The following HLA-DMA variants were observed in gnomAD, a reference collection of about 807,000 sequenced individuals.
HLA-DMA encodes major histocompatibility complex, class II, DM alpha.
HLA-DMA carries 20 observed loss-of-function variants against 27.3 expected under a neutral mutation model. The ratio of observed to expected loss-of-function variants is 0.73; its 90% CI spans 0.52 to 1.07. The LOEUF is 1.07. Among genes scored for constraint, HLA-DMA ranks in the 50% least tolerant of loss-of-function variants. HLA-DMA has a pLI of 0.00. For missense variants in HLA-DMA, 241 were observed against 321.7 expected (o/e 0.75, Z 1.92); for synonymous variants, 111 against 126.8 (o/e 0.88, Z 0.83).
At chr6:32,948,910 C>T in intron 4 of HLA-DMA, 42 bp from the exon 5 acceptor site, 3 of 1,606,782 alleles carry the variant, frequency 1.9e-6, no homozygotes, top group Middle Eastern at 1.8e-4. Context: ...TCAGGGGATC[C>T]ATCCTCCTCC....
Position 32,951,936 on chromosome 6 carries a change from ATAAAT to A in HLA-DMA, c.88+1008_88+1012del, listed in dbSNP as rs1450084657. Among the ~76,000 whole-genome samples, 4 of 152,290 alleles carry A rather than the reference ATAAAT, an allele frequency of 2.6e-5. No individual in the cohort carries two copies. In the East Asian group the frequency reaches 5.8e-4, roughly 22 times the overall value. On this transcript the variant is annotated intron_variant, in intron 1 of 4. Transcript: ENST00000374843. Reference sequence around the variant, plus strand: ...AGAGCGAGATGCCGTGTCAAAAAAAATAAATTAAATCAAATAAAAAATTTAAAAAT... The same window carrying A: ...AGAGCGAGATGCCGTGTCAAAAAAAATAAATCAAATAAAAAATTTAAAAAT...
chr6:32,952,969 T>A lies in HLA-DMA; in HGVS notation c.68A>T (p.His23Leu). 2.5e-6 allele frequency: 4 copies of A among 1,612,300 alleles called. No homozygotes were observed. The highest frequency in any genetic ancestry group is 3.4e-6 in the Non-Finnish European group (4 of 1,179,716). ...QMLPLLWLLP[H>L]SWAVPEAPTP... ...CTTACCTTCAGGGACGGCCCAGGAG[T>A]GGGGTAGCAGCCACAGAAGTGGTAA... The change falls in exon 1 of 5, where the codon CAC (histidine) becomes CTC (leucine). Residue 23 changes from histidine to leucine, a missense_variant. Coordinates refer to ENST00000374843, the MANE Select transcript of HLA-DMA (RefSeq NM_006120.4).
chr6:32,950,113 C>T lies in HLA-DMA; in HGVS notation c.374-224G>A, dbSNP rs1776829919. 5.0e-6 allele frequency: 3 copies of T among 603,564 alleles called. No homozygotes were observed. The highest frequency in any genetic ancestry group is 1.8e-5 in the African/African-American group (1 of 54,068). The allele number at this position is 603,564 out of a possible 1,614,324, so 37.4% of individuals were successfully genotyped here. ...AGAGCCAGATCCAGGCTACTCTGGACCCCTCCACCATGACTTCCTTCAGCA... is the reference window on the plus strand; with the variant it reads ...AGAGCCAGATCCAGGCTACTCTGGATCCCTCCACCATGACTTCCTTCAGCA... On this transcript the variant is annotated intron_variant, in intron 2 of 4. Transcript: ENST00000374843. The surrounding 1 kb of genome is among the most constrained non-coding windows in gnomAD (Gnocchi z 5.0).
chr6:32,949,585 C>T lies in HLA-DMA; in HGVS notation c.652+26G>A. 1 of 1,611,638 alleles carries T rather than the reference C, an allele frequency of 6.2e-7. No homozygotes were observed. Among genetic ancestry groups the T allele is most frequent in the African/African-American group, 1.3e-5 (1 of 74,918 alleles). Reference sequence around the variant, plus strand: ...CTATCCCTTTTTGCCCCCAAAAGGACCAGAATTCCAGGGAGAAAGCCTCAC... The same window carrying T: ...CTATCCCTTTTTGCCCCCAAAAGGATCAGAATTCCAGGGAGAAAGCCTCAC... On this transcript the variant is annotated intron_variant, in intron 3 of 4. Coordinates refer to ENST00000374843, the MANE Select transcript of HLA-DMA (RefSeq NM_006120.4). The surrounding 1 kb of genome is among the most constrained non-coding windows in gnomAD (Gnocchi z 5.8).
Position 32,949,263 on chromosome 6 carries a change from T to C in HLA-DMA, c.781+8A>G, listed in dbSNP as rs1375834239. On this transcript the variant is annotated splice_region_variant and intron_variant, in intron 4 of 4. Coordinates refer to ENST00000374843, the MANE Select transcript of HLA-DMA (RefSeq NM_006120.4). This position sits in a 1 kb window ranked among gnomAD's most constrained non-coding sequence, Gnocchi z 5.8. ...CACAGGCTCACCCGCCCCCTCCAGATGACATACCACCTGAGCAAGGCTTCC... is the reference window on the plus strand; with the variant it reads ...CACAGGCTCACCCGCCCCCTCCAGACGACATACCACCTGAGCAAGGCTTCC... The C allele has an allele frequency of 6.2e-7, 1 of 1,613,956 alleles. No homozygotes were observed. The highest frequency in any genetic ancestry group is 8.5e-7 in the Non-Finnish European group (1 of 1,180,022).
chr6:32,952,144 G>C (rs1776929598), intron 1 of HLA-DMA: 2 of 360,190 alleles, frequency 5.6e-6, no homozygotes, highest in Admixed American at 3.9e-5. Flanking sequence ...ATTCATACCA[G>C]GCCACTGTAT....
At position 32,953,004 on chromosome 6, in the gene HLA-DMA, C is replaced by T. The variant is rs747112864; in HGVS notation, c.33G>A (p.Leu11=). ...GCCACAGAAGTGGTAACATCTGTAG[C>T]AGCGCAGCTCCTTGGTTCTGTTCAT... MGHEQNQGAA[L]LQMLPLLWLL... is the part of the protein sequence containing the mutation. The change falls in exon 1 of 5, where the codon CTG becomes CTA. Residue 11 remains leucine (L), a synonymous_variant. Coordinates refer to ENST00000374843, the MANE Select transcript of HLA-DMA (RefSeq NM_006120.4). 1.9e-6 allele frequency: 3 copies of T among 1,613,008 alleles called. No homozygotes were observed. Among genetic ancestry groups the T allele is most frequent in the East Asian group, 4.5e-5 (2 of 44,890 alleles).
chr6:32,952,304 A>G (rs1467198562), intron 1 of HLA-DMA: 1 of 470,684 alleles, frequency 2.1e-6, no homozygotes, highest in Non-Finnish European at 4.4e-6. Context: ...ACATTTCTTC[A>G]GCCACTTCAT....
rs1776826264 is a variant in HLA-DMA, at chr6:32,950,024, G to C, written c.374-135C>G. ...GTCAGGCTTTGGGAGACAGAGATGA[G>C]CGAGGAGCTGGGCTCTGAAGGGAGG... is the stretch of plus-strand genomic sequence containing the variant. On this transcript the variant is annotated intron_variant, in intron 2 of 4. Transcript: ENST00000374843. This position sits in a 1 kb window ranked among gnomAD's most constrained non-coding sequence, Gnocchi z 5.0. The C allele has an allele frequency of 3.6e-6, 3 of 826,856 alleles. No individual in the cohort carries two copies. The highest frequency in any genetic ancestry group is 5.6e-6 in the Non-Finnish European group (3 of 532,936). The allele number at this position is 826,856 out of a possible 1,614,324, so 51.2% of individuals were successfully genotyped here.
Position 32,948,877 on chromosome 6 carries a change from G to C in HLA-DMA, c.782-9C>G. 6.2e-7 allele frequency: 1 copy of C among 1,613,602 alleles called. No homozygotes were observed. Among genetic ancestry groups the C allele is most frequent in the Non-Finnish European group, 8.5e-7 (1 of 1,179,790 alleles). On this transcript the variant is annotated splice_polypyrimidine_tract_variant and intron_variant, in intron 4 of 4. Transcript: ENST00000374843. The stretch of plus-strand genomic sequence containing the variant: ...GGTCTGGAAGAATCAGTCTGGGGGA[G>C]AGACAGGGATGGAGGAAAGGCATCA...
At position 32,950,112 on chromosome 6, in the gene HLA-DMA, A is replaced by AC; in HGVS notation, c.374-224dup. ...CAGAGCCAGATCCAGGCTACTCTGG[A>AC]CCCCTCCACCATGACTTCCTTCAGC... On this transcript the variant is annotated intron_variant, in intron 2 of 4. Transcript: ENST00000374843. The surrounding 1 kb of genome is among the most constrained non-coding windows in gnomAD (Gnocchi z 5.0). The AC allele has an allele frequency of 1.7e-6, 1 of 603,128 alleles. No individual in the cohort carries two copies. The highest frequency in any genetic ancestry group is 2.9e-6 in the Non-Finnish European group (1 of 341,776). The allele number at this position is 603,128 out of a possible 1,614,324, so 37.4% of individuals were successfully genotyped here. A position where few individuals can be genotyped will look rare whatever the true frequency, so the allele number is the denominator to read the frequency against.
At position 32,953,094 on chromosome 6, in the gene HLA-DMA, C is replaced by G; in HGVS notation, c.-58G>C. ...AACCCAGCCAACCCAGCTTCCCCAA[C>G]TCCCTCCCCGAGAGGGTGGCCTTAG... On this transcript the variant is annotated 5_prime_UTR_variant, in exon 1 of 5. Transcript: ENST00000374843. The G allele has an allele frequency of 7.5e-7, 1 of 1,325,994 alleles. No individual in the cohort carries two copies. Among genetic ancestry groups the G allele is most frequent in the Non-Finnish European group, 1.1e-6 (1 of 927,326 alleles). The allele number at this position is 1,325,994 out of a possible 1,614,324, so 82.1% of individuals were successfully genotyped here.
In HLA-DMA at chr6:32,950,415, A is replaced by G; in HGVS notation, c.373+104T>C. The G allele has an allele frequency of 5.9e-6, 8 of 1,367,282 alleles. No homozygotes were observed. The highest frequency in any genetic ancestry group is 7.1e-6 in the Non-Finnish European group (7 of 983,542). The allele number at this position is 1,367,282 out of a possible 1,614,324, so 84.7% of individuals were successfully genotyped here. On this transcript the variant is annotated intron_variant, in intron 2 of 4. Coordinates refer to ENST00000374843, the MANE Select transcript of HLA-DMA (RefSeq NM_006120.4). This position sits in a 1 kb window ranked among gnomAD's most constrained non-coding sequence, Gnocchi z 5.0. Reference sequence around the variant, plus strand: ...AAATTAAGGTGATGAAGAGAACCAGAAAGTATTTGAGATGGGGAGCTGGTA... The same window carrying G: ...AAATTAAGGTGATGAAGAGAACCAGGAAGTATTTGAGATGGGGAGCTGGTA...
intron 1 of HLA-DMA, chr6:32,952,519 T>C (rs1291353097): frequency 9.0e-6 from 4 of 444,554 alleles, no homozygotes; most frequent in Non-Finnish European, 1.9e-5. Context: ...TTCCAGATTA[T>C]TCTTCCATTC....
chr6:32,951,928 C>CA (rs1253727518), intron 1 of HLA-DMA, among the ~76,000 whole-genome samples: 4 of 150,764 alleles, frequency 2.7e-5, no homozygotes, highest in Admixed American at 6.6e-5. Context: ...GATGCCGTGT[C>CA]AAAAAAAATA....
At chr6:32,952,218 G>A (rs1776933977) in intron 1 of HLA-DMA, 1 of 420,954 alleles carries the variant, frequency 2.4e-6, no homozygotes, top group African/African-American at 2.1e-5. Context: ...AATGGCTACA[G>A]CCTCCCCAAG....
At position 32,950,064 on chromosome 6, in the gene HLA-DMA, A is replaced by G; in HGVS notation, c.374-175T>C. The G allele has an allele frequency of 1.5e-6, 1 of 652,360 alleles. No homozygotes were observed. Among genetic ancestry groups the G allele is most frequent in the South Asian group, 2.0e-5 (1 of 50,726 alleles). The allele number at this position is 652,360 out of a possible 1,614,324, so 40.4% of individuals were successfully genotyped here. On this transcript the variant is annotated intron_variant, in intron 2 of 4. Coordinates refer to ENST00000374843, the MANE Select transcript of HLA-DMA (RefSeq NM_006120.4). This position sits in a 1 kb window ranked among gnomAD's most constrained non-coding sequence, Gnocchi z 5.0. ...CTGAAGGGAGGTCTTCTTCCAGGCAAGGACTGCAGCTAGACATAGAAGCAG... is the reference window on the plus strand; with the variant it reads ...CTGAAGGGAGGTCTTCTTCCAGGCAGGGACTGCAGCTAGACATAGAAGCAG...
chr6:32,950,724 A>G lies in HLA-DMA; in HGVS notation c.168T>C (p.Ser56=). The change falls in exon 2 of 5, where the codon AGT becomes AGC. Residue 56 remains serine (S), a synonymous_variant. Coordinates refer to ENST00000374843, the MANE Select transcript of HLA-DMA (RefSeq NM_006120.4). The surrounding 1 kb of genome is among the most constrained non-coding windows in gnomAD (Gnocchi z 5.0). ...CGTCGTAGGCCTCAGAGAGTCCCACACTGGGACTCCCATCCTGGCAGTACA... is the reference window on the plus strand; with the variant it reads ...CGTCGTAGGCCTCAGAGAGTCCCACGCTGGGACTCCCATCCTGGCAGTACA... The part of the protein sequence containing the change: ...HTVYCQDGSP[S]VGLSEAYDED... 6.2e-7 allele frequency: 1 copy of G among 1,612,630 alleles called. No individual in the cohort carries two copies. The highest frequency in any genetic ancestry group is 8.5e-7 in the Non-Finnish European group (1 of 1,179,666).
Position 32,949,269 on chromosome 6 carries a change from A to G in HLA-DMA, c.781+2T>C. 1 of 1,614,126 alleles carries G rather than the reference A, an allele frequency of 6.2e-7. No individual in the cohort carries two copies. Among genetic ancestry groups the G allele is most frequent in the Non-Finnish European group, 8.5e-7 (1 of 1,180,020 alleles). ...CTCACCCGCCCCCTCCAGATGACAT[A>G]CCACCTGAGCAAGGCTTCCGGAAGT... On this transcript the variant is annotated splice_donor_variant, in intron 4 of 4. Coordinates refer to ENST00000374843, the MANE Select transcript of HLA-DMA (RefSeq NM_006120.4). LOFTEE classifies it high-confidence loss of function. The surrounding 1 kb of genome is among the most constrained non-coding windows in gnomAD (Gnocchi z 5.8).
Sources: allele counts gnomAD v4.1 joint callset (sites outside exome capture counted in the v4.1 genomes callset), GRCh38; gene constraint gnomAD v4.1.1; non-coding constraint Gnocchi (gnomAD v3.1); transcripts MANE v1.5; gene names NCBI Gene and HGNC (gene_info 2026-07-23, HGNC 2026-07-21).